AGPAT3: variants seen among roughly 807,000 people sequenced by gnomAD.
AGPAT3 encodes 1-acyl-sn-glycerol-3-phosphate acyltransferase gamma.
AGPAT3 carries 5 observed loss-of-function variants against 47.3 expected under a neutral mutation model. That is an observed-to-expected ratio of 0.11 (90% CI 0.06 to 0.22). The LOEUF is 0.22. AGPAT3 is among the 10% of genes least tolerant of loss of function. The probability of loss-of-function intolerance (pLI) is 1.00; values close to 1 mark genes in which losing one functional copy is unlikely to be tolerated. For missense variants in AGPAT3, 315 were observed against 493.0 expected, an observed-to-expected ratio of 0.64 and a Z score of 3.42; for synonymous variants, 212 against 208.3, an observed-to-expected ratio of 1.02 and a Z score of -0.15.
At chr21:43,958,402 T>C (rs1385992304) in intron 2 of AGPAT3, among the ~76,000 whole-genome samples, 1 of 151,578 alleles carries the variant, frequency 6.6e-6, no homozygotes, top group African/African-American at 2.4e-5. Context: ...GCAGTGCGTG[T>C]GGGATGTGGT....
At chr21:43,923,663 G>A (rs1488518878) in intron 2 of AGPAT3, among the ~76,000 whole-genome samples, 1 of 152,216 alleles carries the variant, frequency 6.6e-6, no homozygotes, top group Non-Finnish European at 1.5e-5. Context: ...AGAACTCAGG[G>A]AAATACCAGC....
At chr21:43,877,608 A>G (rs572011998) in intron 1 of AGPAT3, among the ~76,000 whole-genome samples, 38 of 151,782 alleles carry the variant, frequency 2.5e-4, no homozygotes, top group African/African-American at 2.7e-4. Context: ...ATGCCCTGCT[A>G]TTTTTTTGTA....
rs2089860936 is a variant in AGPAT3, at chr21:43,981,771, T to G, written c.1043-533T>G. Among the ~76,000 whole-genome samples the G allele has an allele frequency of 6.6e-6, 1 of 151,794 alleles. No individual in the cohort carries two copies. Among genetic ancestry groups the G allele is most frequent in the Non-Finnish European group, 1.5e-5 (1 of 67,946 alleles). ...CGTGTGCATCGCCCCGTGAGCCGAC[T>G]CCCCAGGCCCAGCAGCTGGGCCAGC... On this transcript the variant is annotated intron_variant, in intron 9 of 9. Transcript: ENST00000291572. This position sits in a 1 kb window ranked among gnomAD's most constrained non-coding sequence, Gnocchi z 5.3.
chr21:43,868,171 C>T (rs1253138509), intron 1 of AGPAT3, among the ~76,000 whole-genome samples: 1 of 152,124 alleles, frequency 6.6e-6, no homozygotes, highest in Non-Finnish European at 1.5e-5. Flanking sequence ...GCGGGAAGGC[C>T]GAGTTGATGG....
chr21:43,917,248 G>T (rs1354451213), intron 2 of AGPAT3, among the ~76,000 whole-genome samples: 1 of 150,374 alleles, frequency 6.7e-6, no homozygotes, highest in African/African-American at 2.4e-5. Flanking sequence ...CGCCCCTCTG[G>T]GTGCTGTGAG....
chr21:43,911,702 C>T (rs374883997), intron 2 of AGPAT3, among the ~76,000 whole-genome samples: 1 of 152,238 alleles, frequency 6.6e-6, no homozygotes, highest in African/African-American at 2.4e-5. Context: ...GGGGTTCCTC[C>T]CATTGGAACA....
chr21:43,960,736 C>T (rs1420104286), intron 3 of AGPAT3: 34 of 985,238 alleles, frequency 3.5e-5, no homozygotes, highest in South Asian at 4.7e-5. Flanking sequence ...TCATCTTGCC[C>T]GTACAGTTTT....
chr21:43,940,351 G>A (rs927524160), intron 2 of AGPAT3, among the ~76,000 whole-genome samples: 6 of 152,194 alleles, frequency 3.9e-5, no homozygotes, highest in Non-Finnish European at 8.8e-5. Flanking sequence ...GCCGGGGCCC[G>A]GGGGCCTGGG....
At chr21:43,883,931 T>A (rs1336968856) in intron 1 of AGPAT3, among the ~76,000 whole-genome samples, 1 of 152,170 alleles carries the variant, frequency 6.6e-6, no homozygotes, top group Admixed American at 6.5e-5. Flanking sequence ...GGTTTCTCCA[T>A]GTTGGTCGGG....
At chr21:43,978,147 G>C (rs199981101) in intron 8 of AGPAT3, 26 bp downstream of exon 8, 7 of 1,605,850 alleles carry the variant, frequency 4.4e-6, no homozygotes, top group African/African-American at 1.3e-5. Flanking sequence ...TCCCGCTCAG[G>C]GTCCCGGTCT....
chr21:43,865,299 G>A lies in AGPAT3; in HGVS notation c.-158G>A, dbSNP rs1003911868. ...CGGCGGCCAGAGCGGGGCCGCGGAG[G>A]CGACGCCGGGGACGCCCGCGCGACG... On this transcript the variant is annotated 5_prime_UTR_variant, in exon 1 of 10. Coordinates refer to ENST00000291572, the MANE Select transcript of AGPAT3 (RefSeq NM_020132.5). The A allele has an allele frequency of 1.4e-5, 2 of 146,870 alleles. No individual in the cohort carries two copies. The highest frequency in any genetic ancestry group is 3.0e-5 in the Non-Finnish European group (2 of 65,864). The allele number at this position is 146,870 out of a possible 1,614,324, so 9.1% of individuals were successfully genotyped here.
intron 2 of AGPAT3, among the ~76,000 whole-genome samples, chr21:43,906,903 C>T (rs2086511301): frequency 6.6e-6 from 1 of 152,202 alleles, no homozygotes; most frequent in South Asian, 2.1e-4. Flanking sequence ...ATGTGCAAGG[C>T]CCTCGTAAGT....
intron 2 of AGPAT3, among the ~76,000 whole-genome samples, chr21:43,940,993 G>A (rs2087635247): frequency 6.6e-6 from 1 of 152,226 alleles, no homozygotes; most frequent in African/African-American, 2.4e-5. Flanking sequence ...TGGTAAAACG[G>A]GACACTGATG....
intron 1 of AGPAT3, among the ~76,000 whole-genome samples, chr21:43,884,947 G>A (rs956418112): frequency 2.6e-5 from 4 of 152,220 alleles, no homozygotes; most frequent in African/African-American, 9.6e-5. Flanking sequence ...GGGATAGATC[G>A]GAGTTAACAG....
rs911335720 is a variant in AGPAT3, at chr21:43,985,299, G to A, written c.*2907G>A. 2 of 443,788 alleles carry A rather than the reference G, an allele frequency of 4.5e-6. No homozygotes were observed. The highest frequency in any genetic ancestry group is 4.6e-6 in the Non-Finnish European group (1 of 219,158). 27.5% of individuals were successfully genotyped at this position (443,788 alleles called of 1,614,324 possible). On this transcript the variant is annotated 3_prime_UTR_variant, in exon 10 of 10. Coordinates refer to ENST00000291572, the MANE Select transcript of AGPAT3 (RefSeq NM_020132.5). Reference sequence around the variant, plus strand: ...GCGCACCCTATGTGAGGTGCTTTAAGGTCCCTGTCCTCAGGAAGCGCAGTC... The same window carrying A: ...GCGCACCCTATGTGAGGTGCTTTAAAGTCCCTGTCCTCAGGAAGCGCAGTC...
At chr21:43,923,735 G>A (rs2086965546) in intron 2 of AGPAT3, among the ~76,000 whole-genome samples, 2 of 152,248 alleles carry the variant, frequency 1.3e-5, no homozygotes, top group South Asian at 4.1e-4. Context: ...CAGGGGGAAA[G>A]GGGTACAGAG....
At position 43,952,556 on chromosome 21, in the gene AGPAT3, C is replaced by T. The variant is rs115615305; in HGVS notation, c.-48-7078C>T. Among the ~76,000 whole-genome samples the T allele has an allele frequency of 8.4e-3, 1,281 of 152,238 alleles. 16 individuals carry two copies. Among genetic ancestry groups the T allele is most frequent in the Middle Eastern group, 0.048 (14 of 294 alleles). ...CCCTGATCTAAGAAGGTGCACACCC[C>T]GGTAGCTTGTGCAGGGGCCAGGACA... On this transcript the variant is annotated intron_variant, in intron 2 of 9. Transcript: ENST00000291572. This position sits in a 1 kb window ranked among gnomAD's most constrained non-coding sequence, Gnocchi z 5.6.
At position 43,981,634 on chromosome 21, in the gene AGPAT3, C is replaced by T. The variant is rs73373142; in HGVS notation, c.1042+447C>T. The stretch of plus-strand genomic sequence containing the variant: ...CCCAGGCACAATGCCAGGCCCACCA[C>T]GACTCATCAGCTAGCCTGGGGCCGA... On this transcript the variant is annotated intron_variant, in intron 9 of 9. Coordinates refer to ENST00000291572, the MANE Select transcript of AGPAT3 (RefSeq NM_020132.5). This position sits in a 1 kb window ranked among gnomAD's most constrained non-coding sequence, Gnocchi z 5.3. Among the ~76,000 whole-genome samples the T allele has an allele frequency of 4.3e-4, 66 of 152,272 alleles. No individual in the cohort carries two copies. The highest frequency in any genetic ancestry group is 1.3e-3 in the African/African-American group (56 of 41,562).
rs561636835 is a variant in AGPAT3 at position 43,947,377 on chromosome 21, C to T, written c.-48-12257C>T. Among the ~76,000 whole-genome samples, 35 of 152,340 alleles carry T rather than the reference C, an allele frequency of 2.3e-4. No homozygotes were observed. In the South Asian group the frequency reaches 2.5e-3, roughly 11 times the overall value. Reference sequence around the variant, plus strand: ...AGCTGCAGTCAGGAGAGCGTGCAGCCGTGTGGGTCTCATAAGAGAGGCCGA... The same window carrying T: ...AGCTGCAGTCAGGAGAGCGTGCAGCTGTGTGGGTCTCATAAGAGAGGCCGA... On this transcript the variant is annotated intron_variant, in intron 2 of 9. Transcript: ENST00000291572.
Sources: gnomAD v4.1 joint callset for allele counts (sites outside exome capture counted in the v4.1 genomes callset) on GRCh38, gnomAD v4.1.1 for gene constraint, Gnocchi (gnomAD v3.1) non-coding constraint, MANE v1.5 for transcripts, NCBI Gene and HGNC (gene_info 2026-07-23, HGNC 2026-07-21) for gene names.